SLC24A3: variants seen among roughly 807,000 people sequenced by gnomAD.
SLC24A3 encodes the protein sodium/potassium/calcium exchanger 3.
SLC24A3 carries 28 observed loss-of-function variants against 75.8 expected under a neutral mutation model. That is an observed-to-expected ratio of 0.37 (90% CI 0.27 to 0.51). SLC24A3 has a LOEUF of 0.51. Ranked by LOEUF, SLC24A3 falls within the 20% of genes least tolerant of loss-of-function variation. The pLI is 0.94. For missense variants in SLC24A3, 663 were observed against 847.8 expected, an observed-to-expected ratio of 0.78 and a Z score of 2.71; for synonymous variants, 372 against 334.1, an observed-to-expected ratio of 1.11 and a Z score of -1.24.
chr20:19,614,875 C>A (rs909646159), intron 6 of SLC24A3, among the ~76,000 whole-genome samples: 1 of 152,132 alleles, frequency 6.6e-6, no homozygotes, highest in African/African-American at 2.4e-5. Context: ...ACTGGGTTAG[C>A]GTTTAACAAC....
chr20:19,547,510 A>G (rs1295380221), intron 3 of SLC24A3, among the ~76,000 whole-genome samples: 1 of 152,220 alleles, frequency 6.6e-6, no homozygotes, highest in Non-Finnish European at 1.5e-5. Context: ...TACACCTACA[A>G]TGGGTGGATT....
chr20:19,304,431 C>T (rs1204623894), intron 2 of SLC24A3, among the ~76,000 whole-genome samples: 1 of 152,182 alleles, frequency 6.6e-6, no homozygotes, highest in Non-Finnish European at 1.5e-5. Context: ...GCCTGGGAGT[C>T]CCTACTTGCA....
At position 19,368,664 on chromosome 20, in the gene SLC24A3, G is replaced by T. The variant is rs540180514; in HGVS notation, c.271+87577G>T. Among the ~76,000 whole-genome samples the T allele has an allele frequency of 1.7e-3, 261 of 152,310 alleles. 3 individuals are homozygous for T. Among genetic ancestry groups the T allele is most frequent in the Non-Finnish European group, 2.0e-3 (133 of 68,038 alleles). On this transcript the variant is annotated intron_variant, in intron 2 of 16. Coordinates refer to ENST00000328041, the MANE Select transcript of SLC24A3 (RefSeq NM_020689.4). Reference sequence around the variant, plus strand: ...CATCTGCTTCACCTCTCTCCCTGGGGCAGGCAGCCATGACAACCATTGGCC... The same window carrying T: ...CATCTGCTTCACCTCTCTCCCTGGGTCAGGCAGCCATGACAACCATTGGCC...
At chr20:19,387,613 C>T (rs548813902) in intron 2 of SLC24A3, among the ~76,000 whole-genome samples, 1 of 152,308 alleles carries the variant, frequency 6.6e-6, no homozygotes, top group Admixed American at 6.5e-5. Flanking sequence ...TTTAATTCCA[C>T]ATATTTGTGA....
Position 19,459,678 on chromosome 20 carries a change from A to G in SLC24A3, c.272-55810A>G, listed in dbSNP as rs543228559. On this transcript the variant is annotated intron_variant, in intron 2 of 16. Transcript: ENST00000328041. The stretch of plus-strand genomic sequence containing the variant: ...AATATTTCATAAATGGTCAATAAAT[A>G]CTTCTTTTAATATAATCAGTGTGAT... 7.9e-5 allele frequency among the ~76,000 whole-genome samples: 12 copies of G among 152,294 alleles called. No individual in the cohort carries two copies. In the East Asian group the frequency reaches 1.9e-3, roughly 25 times the overall value.
At chr20:19,314,908 A>G (rs938620337) in intron 2 of SLC24A3, among the ~76,000 whole-genome samples, 2 of 152,322 alleles carry the variant, frequency 1.3e-5, no homozygotes, top group South Asian at 4.1e-4. Flanking sequence ...GGTGTCTGCA[A>G]TGCACAGAAT....
intron 2 of SLC24A3, among the ~76,000 whole-genome samples, chr20:19,385,195 CAT>C (rs934864283): frequency 1.3e-5 from 2 of 152,158 alleles, no homozygotes; most frequent in African/African-American, 4.8e-5. Context: ...ATTTTGGGGT[CAT>C]ACCCAAAAAA....
At chr20:19,405,640 A>T (rs997012162) in intron 2 of SLC24A3, among the ~76,000 whole-genome samples, 3 of 152,172 alleles carry the variant, frequency 2.0e-5, no homozygotes, top group African/African-American at 7.2e-5. Flanking sequence ...TTCGTTGAAA[A>T]CCATCCTGAC....
At chr20:19,491,549 G>A (rs1600251365) in intron 2 of SLC24A3, among the ~76,000 whole-genome samples, 1 of 152,156 alleles carries the variant, frequency 6.6e-6, no homozygotes, top group East Asian at 1.9e-4. Flanking sequence ...GCCTTTCCAG[G>A]CTCTGTCACC....
intron 6 of SLC24A3, among the ~76,000 whole-genome samples, chr20:19,598,050 A>G (rs2031473944): frequency 6.6e-6 from 1 of 152,188 alleles, no homozygotes; most frequent in Non-Finnish European, 1.5e-5. Context: ...GTATCCCTTC[A>G]ATACTGAGTT....
chr20:19,257,061 T>C (rs1982836976), intron 1 of SLC24A3, among the ~76,000 whole-genome samples: 1 of 152,166 alleles, frequency 6.6e-6, no homozygotes, highest in African/African-American at 2.4e-5. Flanking sequence ...AAACGATCCC[T>C]AGGTTTGGAC....
At chr20:19,251,743 T>C (rs768739595) in intron 1 of SLC24A3, among the ~76,000 whole-genome samples, 4 of 152,198 alleles carry the variant, frequency 2.6e-5, no homozygotes, top group Non-Finnish European at 5.9e-5. Flanking sequence ...TCAGTTTGTC[T>C]GTGCTGGTCC....
rs566008381 is a variant in SLC24A3 at position 19,243,244 on chromosome 20, T to A, written c.142+30260T>A. Among the ~76,000 whole-genome samples, 59 of 152,278 alleles carry A rather than the reference T, an allele frequency of 3.9e-4. No individual in the cohort carries two copies. The Middle Eastern group carries it at 0.014, about 35-fold the overall frequency. ...TATTATTTGTAAGATACTGGGGATA[T>A]GAATAACATTGGAATAATGAGTCTG... On this transcript the variant is annotated intron_variant, in intron 1 of 16. Transcript: ENST00000328041.
chr20:19,641,858 C>T (rs2032078502), intron 6 of SLC24A3, among the ~76,000 whole-genome samples: 1 of 152,140 alleles, frequency 6.6e-6, no homozygotes, highest in Non-Finnish European at 1.5e-5. Context: ...TTCAGAAGGT[C>T]TGGGGTAGGT....
In SLC24A3 at chr20:19,481,877, T is replaced by C. The variant is rs534052081; in HGVS notation, c.272-33611T>C. On this transcript the variant is annotated intron_variant, in intron 2 of 16. Transcript: ENST00000328041. ...GCTCTAGCCTTATAATCTTGGGCTC[T>C]AGACCTAGTGGACACCTCCTTCTGG... is the stretch of plus-strand genomic sequence containing the variant. Among the ~76,000 whole-genome samples, 5 of 152,224 alleles carry C rather than the reference T, an allele frequency of 3.3e-5. No individual in the cohort carries two copies. In the East Asian group the frequency reaches 9.7e-4, roughly 30 times the overall value.
intron 7 of SLC24A3, among the ~76,000 whole-genome samples, chr20:19,661,788 C>T (rs1356303980): frequency 1.3e-5 from 2 of 152,118 alleles, no homozygotes; most frequent in Admixed American, 6.5e-5. Context: ...CTCAGCCAGC[C>T]TCTTCTCTCC....
chr20:19,227,417 A>T (rs1389388230), intron 1 of SLC24A3, among the ~76,000 whole-genome samples: 1 of 148,432 alleles, frequency 6.7e-6, no homozygotes, highest in East Asian at 2.0e-4. Context: ...GGCATAGAGG[A>T]TTCTCATGAC....
intron 2 of SLC24A3, among the ~76,000 whole-genome samples, chr20:19,333,644 TGTGTGTGTGTGTGA>T (rs1357717658): frequency 7.6e-6 from 1 of 131,408 alleles, no homozygotes; most frequent in African/African-American, 2.8e-5. Flanking sequence ...TGTGTGTGAG[TGTGTGTGTGTGTGA>T]GAGTGTGTGT....
chr20:19,459,289 T>C (rs1987631455), intron 2 of SLC24A3, among the ~76,000 whole-genome samples: 1 of 152,210 alleles, frequency 6.6e-6, no homozygotes, highest in Non-Finnish European at 1.5e-5. Context: ...CTGGTCTCCA[T>C]TTAGTGCTTC....
Sources: allele counts gnomAD v4.1 joint callset (sites outside exome capture counted in the v4.1 genomes callset), GRCh38; gene constraint gnomAD v4.1.1; transcripts MANE v1.5; gene names NCBI Gene and HGNC (gene_info 2026-07-23, HGNC 2026-07-21).